The following SLC30A8 variants were observed in gnomAD, a reference collection of about 807,000 sequenced individuals.
The protein encoded by SLC30A8 is proton-coupled zinc antiporter SLC30A8.
In SLC30A8, 27 loss-of-function variants were observed where a neutral mutation model predicts 36.9. That is an observed-to-expected ratio of 0.73 (90% CI 0.54 to 1.01). SLC30A8 has a LOEUF of 1.01. SLC30A8 is among the 50% of genes least tolerant of loss of function. The pLI, the probability that SLC30A8 is intolerant of heterozygous loss-of-function variation, is 0.00. For missense variants in SLC30A8, 439 were observed against 452.0 expected, an observed-to-expected ratio of 0.97 and a Z score of 0.26; for synonymous variants, 164 against 172.4, an observed-to-expected ratio of 0.95 and a Z score of 0.38.
intron 1 of SLC30A8, among the ~76,000 whole-genome samples, chr8:117,143,665 AAC>A (rs58613241): frequency 0.1 from 14,661 of 146,210 alleles, 858 homozygotes; most frequent in East Asian, 0.15. Flanking sequence ...TCTCCCATAA[AAC>A]ACACACACAC....
At chr8:117,026,605 G>A (rs561836107) in intron 1 of SLC30A8, among the ~76,000 whole-genome samples, 26 of 152,258 alleles carry the variant, frequency 1.7e-4, no homozygotes, top group Non-Finnish European at 2.9e-4. Flanking sequence ...ACAGAGAAAA[G>A]CTCTTAGATG....
chr8:117,002,825 G>A (rs112738620), intron 1 of SLC30A8, among the ~76,000 whole-genome samples: 1 of 152,096 alleles, frequency 6.6e-6, no homozygotes, highest in Non-Finnish European at 1.5e-5. Flanking sequence ...GGATGGTCTC[G>A]ATCTCTTGAC....
At chr8:117,010,778 T>G (rs1359570514) in intron 1 of SLC30A8, among the ~76,000 whole-genome samples, 1 of 152,088 alleles carries the variant, frequency 6.6e-6, no homozygotes, top group Non-Finnish European at 1.5e-5. Context: ...TGGTGGAAAG[T>G]GGAAGGCAAA....
At chr8:116,952,377 A>G (rs901802710) in intron 1 of SLC30A8, among the ~76,000 whole-genome samples, 2 of 152,160 alleles carry the variant, frequency 1.3e-5, no homozygotes, top group African/African-American at 4.8e-5. Flanking sequence ...AAATAATTCT[A>G]AAAGTCTTAC....
intron 1 of SLC30A8, among the ~76,000 whole-genome samples, chr8:116,989,981 G>C (rs375097810): frequency 1.3e-5 from 2 of 152,356 alleles, no homozygotes. Flanking sequence ...CCATGAGACA[G>C]AAGATGGGAA....
chr8:116,987,778 C>A (rs777504080), intron 1 of SLC30A8, among the ~76,000 whole-genome samples: 3 of 152,188 alleles, frequency 2.0e-5, no homozygotes, highest in African/African-American at 7.2e-5. Flanking sequence ...TCACTGCAAC[C>A]TCTGCTTCCT....
In SLC30A8 at chr8:116,981,590, CTAG is replaced by C. The variant is rs545152258; in HGVS notation, c.-266+30474_-266+30476del. 7.4e-3 allele frequency among the ~76,000 whole-genome samples: 1,124 copies of C among 152,228 alleles called. 6 individuals carry two copies. The highest frequency in any genetic ancestry group is 0.031 in the Middle Eastern group (9 of 294). ...CCCTCTCACTACCCTCAAGCAGGTC[CTAG>C]TATCTGTTGTTCCCTACTTTGTATG... On this transcript the variant is annotated intron_variant, in intron 1 of 10. Coordinates refer to the SLC30A8 transcript ENST00000427715.
At chr8:117,092,355 C>T (rs935424826) in intron 2 of SLC30A8, among the ~76,000 whole-genome samples, 3 of 149,882 alleles carry the variant, frequency 2.0e-5, no homozygotes, top group African/African-American at 7.4e-5. Flanking sequence ...TTACCTACAA[C>T]AAATTAAACA....
At chr8:116,961,484 G>T (rs2130594099) in intron 1 of SLC30A8, among the ~76,000 whole-genome samples, 1 of 152,084 alleles carries the variant, frequency 6.6e-6, no homozygotes, top group Admixed American at 6.6e-5. Context: ...TATATGCAAT[G>T]TAAAAACAGA....
chr8:116,972,685 A>G (rs533790339), intron 1 of SLC30A8, among the ~76,000 whole-genome samples: 2 of 152,354 alleles, frequency 1.3e-5, no homozygotes, highest in East Asian at 1.9e-4. Context: ...GAGTAATCAG[A>G]AAATCATAAG....
At chr8:116,956,426 C>T (rs1028547982) in intron 1 of SLC30A8, among the ~76,000 whole-genome samples, 6 of 152,080 alleles carry the variant, frequency 3.9e-5, no homozygotes, top group Non-Finnish European at 7.4e-5. Context: ...GATGACATTT[C>T]GATTTCATCG....
At chr8:117,095,363 G>C (rs1819311806) in intron 2 of SLC30A8, among the ~76,000 whole-genome samples, 1 of 152,076 alleles carries the variant, frequency 6.6e-6, no homozygotes, top group African/African-American at 2.4e-5. Context: ...TTACTAGTTA[G>C]TAATAATAGT....
intron 1 of SLC30A8, among the ~76,000 whole-genome samples, chr8:116,965,229 C>T (rs375097405): frequency 2.0e-5 from 3 of 152,296 alleles, no homozygotes; most frequent in African/African-American, 2.4e-5. Context: ...TGAGCCACCA[C>T]GCCTGGCTGG....
At position 117,070,028 on chromosome 8, in the gene SLC30A8, C is replaced by A. The variant is rs139539896; in HGVS notation, c.-226+30770C>A. 2.5e-3 allele frequency among the ~76,000 whole-genome samples: 385 copies of A among 152,330 alleles called. 4 individuals carry two copies. Among genetic ancestry groups the A allele is most frequent in the African/African-American group, 8.8e-3 (364 of 41,566 alleles). On this transcript the variant is annotated intron_variant, in intron 2 of 10. Transcript: ENST00000427715. ...TTTCACATTCAAACTCAAATGACTT[C>A]ATTTTCCTGGAAGGAATTTTGATGA...
rs906419624 is a variant in SLC30A8 at position 117,172,482 on chromosome 8, G to A, written c.965-54G>A. 1.6e-5 allele frequency: 26 copies of A among 1,612,094 alleles called. No homozygotes were observed. The Admixed American group carries it at 3.3e-4, about 21-fold the overall frequency. ...AGTACTTGAAGTTGGAGTCAGAGCA[G>A]TCGCCCATGCGTGTGCAATCAGTGC... is the stretch of plus-strand genomic sequence containing the variant. On this transcript the variant is annotated intron_variant, in intron 7 of 7. Transcript: ENST00000456015.
rs115659903 is a variant in SLC30A8, at chr8:117,127,121, G to A, written c.-225-8159G>A. Among the ~76,000 whole-genome samples the A allele has an allele frequency of 3.3e-3, 497 of 152,106 alleles. 3 individuals carry two copies. Among genetic ancestry groups the A allele is most frequent in the African/African-American group, 8.7e-3 (363 of 41,532 alleles). ...CCTGTCCTTGGGTTTTTGTTTATGA[G>A]ATTATCCACAGGTATATAAATGTAT... On this transcript the variant is annotated intron_variant, in intron 2 of 10. Coordinates refer to the SLC30A8 transcript ENST00000427715.
chr8:116,995,888 T>C (rs1815797755), intron 1 of SLC30A8, among the ~76,000 whole-genome samples: 1 of 152,096 alleles, frequency 6.6e-6, no homozygotes, highest in Admixed American at 6.6e-5. Context: ...AGACCATCAC[T>C]TGATAGAAAA....
intron 1 of SLC30A8, among the ~76,000 whole-genome samples, chr8:116,980,189 T>C (rs1230089798): frequency 6.6e-6 from 1 of 152,240 alleles, no homozygotes; most frequent in Non-Finnish European, 1.5e-5. Context: ...ACCCCTGCCA[T>C]GTGATTGATG....
rs1260558172 is a variant in SLC30A8 at position 117,035,187 on chromosome 8, C to T, written c.-265-4032C>T. Among the ~76,000 whole-genome samples the T allele has an allele frequency of 2.6e-5, 4 of 152,198 alleles. No individual in the cohort carries two copies. The East Asian group carries it at 5.8e-4, about 22-fold the overall frequency. The stretch of plus-strand genomic sequence containing the variant: ...AAGTCTTAACTCATTTCAGCATTAA[C>T]CCAAAAGTTCAAGTCCAAAGTCTCA... On this transcript the variant is annotated intron_variant, in intron 1 of 10. Transcript: ENST00000427715.
Sources: gnomAD v4.1 joint callset for allele counts (sites outside exome capture counted in the v4.1 genomes callset) on GRCh38, gnomAD v4.1.1 for gene constraint, MANE v1.5 for transcripts, NCBI Gene and HGNC (gene_info 2026-07-23, HGNC 2026-07-21) for gene names.